The following ANXA2 variants were observed in gnomAD, a reference collection of about 807,000 sequenced individuals.
The protein encoded by ANXA2 is annexin II.
Under a neutral mutation model 47.3 loss-of-function variants are expected in ANXA2, and 28 were observed. The observed-to-expected ratio is 0.59, with a 90% CI of 0.44 to 0.81. ANXA2 has a LOEUF of 0.81. Among genes scored for constraint, ANXA2 ranks in the 40% least tolerant of loss-of-function variants. ANXA2 has a pLI of 0.00. For synonymous variants in ANXA2, 172 were observed against 155.5 expected (o/e 1.11, Z -0.79); for missense variants, 384 against 414.3 (o/e 0.93, Z 0.64).
intron 3 of ANXA2, among the ~76,000 whole-genome samples, chr15:60,381,109 G>A (rs2062852484): frequency 6.6e-6 from 1 of 152,144 alleles, no homozygotes; most frequent in Non-Finnish European, 1.5e-5. Context: ...AGTGAAAGGT[G>A]CACTATTAGT....
chr15:60,374,537 G>A, intron 3 of ANXA2: 1 of 456,016 alleles, frequency 2.2e-6, no homozygotes, highest in South Asian at 1.5e-5. Context: ...CTGGTATTTG[G>A]ATTTCCTCAG....
chr15:60,357,532 G>A (rs1003699240), intron 5 of ANXA2, among the ~76,000 whole-genome samples: 1 of 152,054 alleles, frequency 6.6e-6, no homozygotes, highest in South Asian at 2.1e-4. Context: ...AGTGGCTCAC[G>A]CCTGTAATCC....
rs567012907 is a variant in ANXA2, at chr15:60,361,483, T to C, written c.244-429A>G. The C allele has an allele frequency of 2.8e-4, 49 of 177,226 alleles. No homozygotes were observed. In the Middle Eastern group the frequency reaches 0.012, roughly 42 times the overall value. 11.0% of individuals were successfully genotyped at this position (177,226 alleles called of 1,614,324 possible). A position where few individuals can be genotyped will look rare whatever the true frequency, so the allele number is the denominator to read the frequency against. ...GCAAGCAGATCTTGTGGCCTCCCGA[T>C]ATACTGTAAAAGACGTGGGGGCAGC... On this transcript the variant is annotated intron_variant, in intron 4 of 12. Transcript: ENST00000451270.
chr15:60,392,809 C>T (rs2063031096), intron 1 of ANXA2, among the ~76,000 whole-genome samples: 1 of 152,196 alleles, frequency 6.6e-6, no homozygotes, highest in Admixed American at 6.5e-5. Flanking sequence ...CAATCAGGGA[C>T]TGGTGATTCA....
chr15:60,392,763 T>G (rs184450162), intron 1 of ANXA2, among the ~76,000 whole-genome samples: 35 of 152,312 alleles, frequency 2.3e-4, no homozygotes, highest in African/African-American at 8.4e-4. Flanking sequence ...TGTTGATGCG[T>G]TACCGCAAAA....
At chr15:60,354,752 A>G (rs972318722) in intron 7 of ANXA2, among the ~76,000 whole-genome samples, 1 of 152,064 alleles carries the variant, frequency 6.6e-6, no homozygotes, top group Non-Finnish European at 1.5e-5. Context: ...CTTGATACCC[A>G]GTCCTGGCCT....
chr15:60,390,448 C>G, intron 1 of ANXA2: 1 of 512,030 alleles, frequency 2.0e-6, no homozygotes, highest in Non-Finnish European at 3.9e-6. Flanking sequence ...CGGCACAATA[C>G]CAGGACTCCC....
intron 8 of ANXA2, among the ~76,000 whole-genome samples, chr15:60,353,061 C>G (rs1045462182): frequency 6.6e-6 from 1 of 152,214 alleles, no homozygotes; most frequent in Non-Finnish European, 1.5e-5. Flanking sequence ...CATCTAGGAA[C>G]TGCAAAACCC....
chr15:60,353,863 G>A (rs1229939718), intron 8 of ANXA2, among the ~76,000 whole-genome samples: 1 of 152,186 alleles, frequency 6.6e-6, no homozygotes, highest in East Asian at 1.9e-4. Context: ...CCTACCAACA[G>A]TCATGTGAAG....
At chr15:60,382,002 G>C (rs992104374) in intron 3 of ANXA2, among the ~76,000 whole-genome samples, 4 of 144,418 alleles carry the variant, frequency 2.8e-5, no homozygotes, top group Non-Finnish European at 4.5e-5. Flanking sequence ...GAAGAAACGG[G>C]GGGTGGGGGA....
At chr15:60,373,914 A>T (rs1410322422) in intron 3 of ANXA2, among the ~76,000 whole-genome samples, 1 of 152,238 alleles carries the variant, frequency 6.6e-6, no homozygotes, top group East Asian at 1.9e-4. Context: ...CCATTGGCAC[A>T]CATGGATGAG....
At chr15:60,393,080 G>C in intron 1 of ANXA2, 2 of 1,287,314 alleles carry the variant, frequency 1.6e-6, no homozygotes, top group South Asian at 1.2e-5. Flanking sequence ...TTATGGTCTT[G>C]ATTAATGACT....
At chr15:60,377,181 G>C (rs1365632979) in intron 3 of ANXA2, among the ~76,000 whole-genome samples, 1 of 152,084 alleles carries the variant, frequency 6.6e-6, no homozygotes, top group African/African-American at 2.4e-5. Context: ...TAAGGCAAAA[G>C]GCATTCTAAA....
chr15:60,353,020 A>G (rs1266403515), intron 8 of ANXA2, among the ~76,000 whole-genome samples: 1 of 152,240 alleles, frequency 6.6e-6, no homozygotes, highest in African/African-American at 2.4e-5. Context: ...AGGCTTATGC[A>G]AGGGTAGATA....
At chr15:60,372,447 A>G (rs2062722918) in intron 3 of ANXA2, among the ~76,000 whole-genome samples, 1 of 152,166 alleles carries the variant, frequency 6.6e-6, no homozygotes. Context: ...ACTTGAAAAT[A>G]AAGCAAGAGG....
At position 60,354,205 on chromosome 15, in the gene ANXA2, T is replaced by A. The variant is rs746493605; in HGVS notation, c.537A>T (p.Arg179Ser). ...KLMVALAKGR[R>S]AEDGSVIDYE... ...AATCAATGACAGAGCCATCCTCTGC[T>A]CTTCTACCCTATGGGGGAAAGAAAA... Residue 179 changes from arginine to serine, a missense_variant, in exon 8 of 13, where the codon AGA becomes AGT. Coordinates refer to ENST00000451270, the MANE Select transcript of ANXA2 (RefSeq NM_004039.3). 6.2e-7 allele frequency: 1 copy of A among 1,613,200 alleles called. No homozygotes were observed. Among genetic ancestry groups the A allele is most frequent in the South Asian group, 1.1e-5 (1 of 91,012 alleles).
intron 2 of ANXA2, among the ~76,000 whole-genome samples, chr15:60,385,249 T>G (rs2140919223): frequency 6.6e-6 from 1 of 152,304 alleles, no homozygotes; most frequent in African/African-American, 2.4e-5. Context: ...GAGAAAATAT[T>G]TTCCAGGTGT....
At chr15:60,368,549 T>C (rs2062669509) in intron 3 of ANXA2, among the ~76,000 whole-genome samples, 1 of 151,320 alleles carries the variant, frequency 6.6e-6, no homozygotes, top group Admixed American at 6.6e-5. Context: ...ATATCCACAA[T>C]AAAGGTACTG....
Position 60,378,483 on chromosome 15 carries a change from A to C in ANXA2, c.148+3859T>G, listed in dbSNP as rs139162112. On this transcript the variant is annotated intron_variant, in intron 3 of 12. Coordinates refer to ENST00000451270, the MANE Select transcript of ANXA2 (RefSeq NM_004039.3). ...CCTCAAGACATACTTCCCAACTAAA[A>C]GATTTATCTGGTCTTTCACTACCAT... Among the ~76,000 whole-genome samples, 893 of 152,350 alleles carry C rather than the reference A, an allele frequency of 5.9e-3. 2 individuals carry two copies. Among genetic ancestry groups the C allele is most frequent in the Non-Finnish European group, 9.2e-3 (625 of 68,030 alleles).
Sources: allele counts gnomAD v4.1 joint callset (sites outside exome capture counted in the v4.1 genomes callset), GRCh38; gene constraint gnomAD v4.1.1; transcripts MANE v1.5; gene names NCBI Gene and HGNC (gene_info 2026-07-23, HGNC 2026-07-21).